The following RPL38 variants were observed in gnomAD, a reference collection of about 807,000 sequenced individuals.
RPL38 encodes the protein large ribosomal subunit protein eL38.
Under a neutral mutation model 12.8 loss-of-function variants are expected in RPL38, and 2 were observed. That is an observed-to-expected ratio of 0.16 (90% CI 0.06 to 0.49). The LOEUF (loss-of-function observed/expected upper bound fraction) is 0.49, where lower values mean the gene tolerates loss of function less well. RPL38 is among the 20% of genes least tolerant of loss of function. RPL38 has a pLI of 0.96. For synonymous variants in RPL38, 42 were observed against 30.1 expected (o/e 1.39, Z -1.29); for missense variants, 52 against 79.8 (o/e 0.65, Z 1.33).
Position 74,203,726 on chromosome 17 carries a change from G to A in RPL38, c.-58G>A. 4 of 601,022 alleles carry A rather than the reference G, an allele frequency of 6.7e-6. No individual in the cohort carries two copies. The highest frequency in any genetic ancestry group is 1.2e-5 in the Non-Finnish European group (4 of 335,790). 37.2% of individuals were successfully genotyped at this position (601,022 alleles called of 1,614,324 possible). A position where few individuals can be genotyped will look rare whatever the true frequency, so the allele number is the denominator to read the frequency against. On this transcript the variant is annotated 5_prime_UTR_variant, in exon 1 of 5. The change creates a new upstream start codon in the 5' untranslated region. Transcript: ENST00000311111. Reference sequence around the variant, plus strand: ...GCTGCTTGCTGTGAGTGTCTCTAGGGTGATACGTGGGTGAGAAAGGTAATC... The same window carrying A: ...GCTGCTTGCTGTGAGTGTCTCTAGGATGATACGTGGGTGAGAAAGGTAATC...
At chr17:74,204,464 G>GGC in intron 3 of RPL38, 1 of 461,900 alleles carries the variant, frequency 2.2e-6, no homozygotes, top group Non-Finnish European at 3.9e-6. Flanking sequence ...GTAAATTGTC[G>GGC]GAACGGAATC....
intron 1 of RPL38, 69 bp downstream of exon 1, chr17:74,203,814 G>A (rs2050082855): frequency 9.4e-7 from 1 of 1,067,380 alleles, no homozygotes; most frequent in Non-Finnish European, 1.3e-6. Flanking sequence ...GTGTCGGGGA[G>A]GAGAAGGGGA....
intron 2 of RPL38, 38 bp downstream of exon 2, chr17:74,203,996 G>C: frequency 6.2e-7 from 1 of 1,613,048 alleles, no homozygotes; most frequent in Admixed American, 1.7e-5. Flanking sequence ...CCCGGGGTGG[G>C]CTCGTGGGGC....
At chr17:74,205,730 AG>A (rs1202991082) in intron 3 of RPL38, 2 of 152,198 alleles carry the variant, frequency 1.3e-5, no homozygotes, top group Non-Finnish European at 2.9e-5. Flanking sequence ...GTGTTTTAAA[AG>A]GGTGGTGGTC....
Position 74,210,098 on chromosome 17 carries a change from C to G in RPL38, c.*269C>G. Reference sequence around the variant, plus strand: ...CGCCTCCTGGGTTCAAGCGACTGTCCTGCCTCAGCCTCCCGAGTGGCTGGG... The same window carrying G: ...CGCCTCCTGGGTTCAAGCGACTGTCGTGCCTCAGCCTCCCGAGTGGCTGGG... On this transcript the variant is annotated 3_prime_UTR_variant, in exon 5 of 5. Coordinates refer to ENST00000311111, the MANE Select transcript of RPL38 (RefSeq NM_000999.4). 2.7e-6 allele frequency: 1 copy of G among 364,810 alleles called. No homozygotes were observed. Among genetic ancestry groups the G allele is most frequent in the African/African-American group, 2.1e-5 (1 of 46,764 alleles). 22.6% of individuals were successfully genotyped at this position (364,810 alleles called of 1,614,324 possible).
At chr17:74,205,867 A>T (rs2050108917) in intron 3 of RPL38, 1 of 152,156 alleles carries the variant, frequency 6.6e-6, no homozygotes, top group South Asian at 2.1e-4. Context: ...TAAAAATAAA[A>T]AAATTAGCCA....
chr17:74,209,110 T>G (rs2050141680), intron 3 of RPL38, 77 bp from the exon 4 acceptor site: 7 of 1,507,932 alleles, frequency 4.6e-6, no homozygotes, highest in African/African-American at 2.7e-5. Context: ...GCTTACTGCT[T>G]GAGTGTATTT....
chr17:74,203,721 C>G lies in RPL38; in HGVS notation c.-63C>G, dbSNP rs76423818. The G allele has an allele frequency of 3.8e-5, 23 of 598,248 alleles. No homozygotes were observed. Among genetic ancestry groups the G allele is most frequent in the Admixed American group, 3.0e-4 (10 of 33,472 alleles). The allele number at this position is 598,248 out of a possible 1,614,324, so 37.1% of individuals were successfully genotyped here. A position where few individuals can be genotyped will look rare whatever the true frequency, so the allele number is the denominator to read the frequency against. On this transcript the variant is annotated 5_prime_UTR_variant, in exon 1 of 5. Coordinates refer to ENST00000311111, the MANE Select transcript of RPL38 (RefSeq NM_000999.4). ...CGGTTGCTGCTTGCTGTGAGTGTCT[C>G]TAGGGTGATACGTGGGTGAGAAAGG...
rs35333460 is a variant in RPL38, at chr17:74,206,708, CTTTTT to C, written c.65-2461_65-2457del. Among the ~76,000 whole-genome samples, 118 of 101,588 alleles carry C rather than the reference CTTTTT, an allele frequency of 1.2e-3. 1 individual carries two copies. Among genetic ancestry groups the C allele is most frequent in the African/African-American group, 4.3e-3 (110 of 25,714 alleles). The allele number at this position is 101,588 out of a possible 152,430, so 66.6% of individuals were successfully genotyped here. A position where few individuals can be genotyped will look rare whatever the true frequency, so the allele number is the denominator to read the frequency against. On this transcript the variant is annotated intron_variant, in intron 3 of 4. Transcript: ENST00000311111. ...CAGAATTGCCTTCTGTTTTTTCTTTCTTTTTTTTTTTTTTTTTTTTTTGACATGGA... is the reference window on the plus strand; with the variant it reads ...CAGAATTGCCTTCTGTTTTTTCTTTCTTTTTTTTTTTTTTTTTGACATGGA...
intron 2 of RPL38, 76 bp downstream of exon 2, chr17:74,204,034 A>G: frequency 6.2e-7 from 1 of 1,609,794 alleles, no homozygotes; most frequent in Non-Finnish European, 8.5e-7. Context: ...AGAGCCTCCC[A>G]AGGATCTCCT....
chr17:74,206,988 T>C (rs927093451), intron 3 of RPL38, among the ~76,000 whole-genome samples: 2 of 151,982 alleles, frequency 1.3e-5, no homozygotes, highest in Non-Finnish European at 2.9e-5. Flanking sequence ...AGTGCTGGGA[T>C]TACAGGCGTG....
At chr17:74,208,182 A>G (rs1201717689) in intron 3 of RPL38, among the ~76,000 whole-genome samples, 3 of 152,216 alleles carry the variant, frequency 2.0e-5, no homozygotes, top group Non-Finnish European at 4.4e-5. Context: ...CACTGCTATT[A>G]TAACAAATCC....
In RPL38 at chr17:74,209,278, G is replaced by A. The variant is rs780162491; in HGVS notation, c.156G>A (p.Lys52=). The A allele has an allele frequency of 5.6e-6, 9 of 1,614,032 alleles. No individual in the cohort carries two copies. The East Asian group carries it at 2.0e-4, about 36-fold the overall frequency. ...LYTLVITDKE[K]AEKLKQSLPP... is the part of the protein sequence containing the mutation. ...CCCTGGTCATCACTGACAAAGAGAA[G>A]GCAGAGAAACTGAAGCAGTCCCTGC... is the stretch of plus-strand genomic sequence containing the variant. The change falls in exon 4 of 5, where the codon AAG becomes AAA. Residue 52 remains lysine, a synonymous_variant. Transcript: ENST00000311111.
chr17:74,205,660 A>C (rs752540740), intron 3 of RPL38: 11 of 152,052 alleles, frequency 7.2e-5, no homozygotes, highest in Admixed American at 6.6e-5. Flanking sequence ...TTGAAGCCCA[A>C]CTCTACCTGC....
At chr17:74,209,504 T>C in intron 4 of RPL38, 195 bp downstream of exon 4, 1 of 704,220 alleles carries the variant, frequency 1.4e-6, no homozygotes, top group Admixed American at 3.0e-5. Flanking sequence ...ATCATTTCCT[T>C]AGCCAGAAGA....
chr17:74,209,108 C>T, intron 3 of RPL38, 79 bp from the exon 4 acceptor site: 1 of 1,500,730 alleles, frequency 6.7e-7, no homozygotes, highest in Non-Finnish European at 9.2e-7. Flanking sequence ...CTGCTTACTG[C>T]TTGAGTGTAT....
At chr17:74,207,803 A>G (rs2050128941) in intron 3 of RPL38, among the ~76,000 whole-genome samples, 1 of 152,076 alleles carries the variant, frequency 6.6e-6, no homozygotes, top group Non-Finnish European at 1.5e-5. Context: ...ACCGCACCCA[A>G]CTGAATAAAC....
At chr17:74,203,809 G>A (rs912584963) in intron 1 of RPL38, 64 bp downstream of exon 1, 3 of 1,024,694 alleles carry the variant, frequency 2.9e-6, no homozygotes, top group African/African-American at 1.6e-5. Context: ...GGAGGGTGTC[G>A]GGGAGGAGAA....
intron 3 of RPL38, chr17:74,206,126 TA>T (rs1421197031): frequency 2.0e-5 from 3 of 152,318 alleles, no homozygotes; most frequent in South Asian, 4.1e-4. Flanking sequence ...AAAAACTTTT[TA>T]AAATGGTTGT....
Sources: gnomAD v4.1 joint callset for allele counts (sites outside exome capture counted in the v4.1 genomes callset) on GRCh38, gnomAD v4.1.1 for gene constraint, MANE v1.5 for transcripts, NCBI Gene and HGNC (gene_info 2026-07-23, HGNC 2026-07-21) for gene names.